Variants in MTUS2 observed in about 807,000 individuals in gnomAD.
MTUS2 encodes microtubule-associated tumor suppressor candidate 2.
In MTUS2, 40 loss-of-function variants were observed where a neutral mutation model predicts 114.1. The observed-to-expected ratio is 0.35, with a 90% confidence interval of 0.27 to 0.46. The LOEUF (loss-of-function observed/expected upper bound fraction) is 0.46. Among genes scored for constraint, MTUS2 ranks in the 20% least tolerant of loss-of-function variants. The pLI, the probability that MTUS2 is intolerant of heterozygous loss-of-function variation, is 1.00. For synonymous variants in MTUS2, 688 were observed against 672.0 expected, an observed-to-expected ratio of 1.02 and a Z score of -0.37; for missense variants, 1,679 against 1,705.4, an observed-to-expected ratio of 0.98 and a Z score of 0.27.
At chr13:28,935,994 G>A (rs186977251) in intron 2 of MTUS2, among the ~76,000 whole-genome samples, 24 of 152,208 alleles carry the variant, frequency 1.6e-4, no homozygotes, top group African/African-American at 5.1e-4. Context: ...TGATCCTTCC[G>A]TCTTGGCCTC....
At chr13:29,375,848 C>T (rs1223144169) in intron 8 of MTUS2, among the ~76,000 whole-genome samples, 2 of 150,412 alleles carry the variant, frequency 1.3e-5, no homozygotes, top group Non-Finnish European at 2.9e-5. Flanking sequence ...AAGTGGAGAG[C>T]GCGGGAAAGG....
At chr13:29,467,128 G>A (rs1003172567) in intron 9 of MTUS2, among the ~76,000 whole-genome samples, 1 of 152,146 alleles carries the variant, frequency 6.6e-6, no homozygotes, top group Non-Finnish European at 1.5e-5. Context: ...CCTCCAAGCT[G>A]TGAAGCTTAT....
chr13:29,203,596 C>A (rs372769615), intron 5 of MTUS2, among the ~76,000 whole-genome samples: 2 of 151,206 alleles, frequency 1.3e-5, no homozygotes, highest in East Asian at 3.9e-4. Flanking sequence ...GCAGCTAGCT[C>A]AGTGTCTACC....
chr13:29,310,449 A>T (rs1382057076), intron 6 of MTUS2, among the ~76,000 whole-genome samples: 6 of 152,206 alleles, frequency 3.9e-5, no homozygotes, highest in Non-Finnish European at 8.8e-5. Context: ...TAAACAACTA[A>T]GTTAGTATTT....
At chr13:29,177,613 T>C (rs1460923006) in intron 5 of MTUS2, among the ~76,000 whole-genome samples, 2 of 152,132 alleles carry the variant, frequency 1.3e-5, no homozygotes, top group African/African-American at 4.8e-5. Flanking sequence ...GAAACTTATT[T>C]TCCAAACAGA....
At chr13:29,077,965 A>G (rs529058389) in intron 4 of MTUS2, among the ~76,000 whole-genome samples, 3 of 152,248 alleles carry the variant, frequency 2.0e-5, no homozygotes, top group Non-Finnish European at 4.4e-5. Flanking sequence ...AAGTTTCATC[A>G]AAATGAGAAT....
chr13:29,174,663 G>A (rs960988763), intron 5 of MTUS2, among the ~76,000 whole-genome samples: 8 of 152,078 alleles, frequency 5.3e-5, no homozygotes, highest in Non-Finnish European at 1.0e-4. Flanking sequence ...TCTGCTTACG[G>A]TAGTGGTTGC....
chr13:29,218,969 CATAT>C (rs1895793973), intron 5 of MTUS2, among the ~76,000 whole-genome samples: 1 of 135,350 alleles, frequency 7.4e-6, no homozygotes, highest in African/African-American at 2.8e-5. Context: ...TTTTTTTTGT[CATAT>C]ATATTTTTTT....
intron 2 of MTUS2, among the ~76,000 whole-genome samples, chr13:28,905,976 G>C (rs1448193903): frequency 2.6e-5 from 4 of 151,598 alleles, no homozygotes; most frequent in African/African-American, 9.7e-5. Context: ...TCCTGGTTTA[G>C]TCTTGGGAGG....
At chr13:29,347,985 CAG>C (rs944698877) in intron 7 of MTUS2, among the ~76,000 whole-genome samples, 22 of 110,352 alleles carry the variant, frequency 2.0e-4, no homozygotes, top group African/African-American at 5.8e-4. Context: ...TGTGTCCCCA[CAG>C]AGAGAGGTTG....
intron 2 of MTUS2, among the ~76,000 whole-genome samples, chr13:28,922,907 T>C (rs172905): frequency 0.87 from 132,837 of 152,238 alleles, 58,202 homozygotes; most frequent in East Asian, 0.91. Flanking sequence ...CTTGCTCTGT[T>C]CCACCAACAT....
At chr13:29,433,655 A>G (rs751545970) in intron 8 of MTUS2, among the ~76,000 whole-genome samples, 8 of 152,230 alleles carry the variant, frequency 5.3e-5, no homozygotes, top group Non-Finnish European at 1.0e-4. Flanking sequence ...AAAAGGTGGT[A>G]TGAAAACAAC....
chr13:29,007,796 A>G (rs1885665057), intron 2 of MTUS2, among the ~76,000 whole-genome samples: 1 of 152,208 alleles, frequency 6.6e-6, no homozygotes, highest in African/African-American at 2.4e-5. Flanking sequence ...TATAACGCAC[A>G]TACAAAATAT....
intron 5 of MTUS2, among the ~76,000 whole-genome samples, chr13:29,121,991 G>A (rs9508284): frequency 3.8e-4 from 58 of 151,950 alleles, no homozygotes; most frequent in African/African-American, 1.4e-3. Flanking sequence ...CTCACTTCTC[G>A]CTGTATTGTC....
At chr13:29,468,699 C>T (rs1415465077) in intron 9 of MTUS2, among the ~76,000 whole-genome samples, 1 of 152,102 alleles carries the variant, frequency 6.6e-6, no homozygotes, top group Non-Finnish European at 1.5e-5. Context: ...CCCCTCCAAG[C>T]CTCTATTTCA....
intron 2 of MTUS2, among the ~76,000 whole-genome samples, chr13:28,955,808 T>C (rs778032378): frequency 6.6e-6 from 1 of 151,866 alleles, no homozygotes; most frequent in Non-Finnish European, 1.5e-5. Flanking sequence ...AGTCCTGATC[T>C]AAGAGGGGCC....
intron 5 of MTUS2, among the ~76,000 whole-genome samples, chr13:29,186,185 G>C (rs1223882075): frequency 6.6e-6 from 1 of 152,204 alleles, no homozygotes; most frequent in Non-Finnish European, 1.5e-5. Flanking sequence ...CTGCACTCCT[G>C]CCTGGGCAAC....
intron 5 of MTUS2, among the ~76,000 whole-genome samples, chr13:29,128,649 A>G (rs1417422937): frequency 6.6e-6 from 1 of 152,216 alleles, no homozygotes; most frequent in African/African-American, 2.4e-5. Flanking sequence ...ATATTTATGA[A>G]TGGTGGCATT....
chr13:29,274,008 C>T (rs936657041), intron 5 of MTUS2, among the ~76,000 whole-genome samples: 1 of 152,126 alleles, frequency 6.6e-6, no homozygotes, highest in Non-Finnish European at 1.5e-5. Context: ...TTTATGTGAA[C>T]ATATGTTTTC....
Sources: allele counts gnomAD v4.1 joint callset (sites outside exome capture counted in the v4.1 genomes callset), GRCh38; gene constraint gnomAD v4.1.1; transcripts MANE v1.5; gene names NCBI Gene and HGNC (gene_info 2026-07-23, HGNC 2026-07-21).